The following RBFOX1 variants were observed in gnomAD, a reference collection of about 807,000 sequenced individuals.
RBFOX1 encodes RNA binding protein fox-1 homolog 1.
Under a neutral mutation model 57.7 loss-of-function variants are expected in RBFOX1, and 8 were observed. The ratio of observed to expected loss-of-function variants is 0.14; its 90% CI spans 0.08 to 0.25. The LOEUF is 0.25. RBFOX1 is among the 10% of genes least tolerant of loss of function. The pLI, the probability that RBFOX1 is intolerant of heterozygous loss-of-function variation, is 1.00. For missense variants in RBFOX1, 611 were observed against 548.5 expected (o/e 1.11, Z -1.14); for synonymous variants, 326 against 222.4 (o/e 1.47, Z -4.15).
chr16:6,659,856 C>A (rs1359114162), intron 3 of RBFOX1, among the ~76,000 whole-genome samples: 1 of 152,126 alleles, frequency 6.6e-6, no homozygotes, highest in Non-Finnish European at 1.5e-5. Flanking sequence ...GTGCTGACCT[C>A]AGTTTCCAAA....
At chr16:5,516,768 T>C (rs28527319) in intron 2 of RBFOX1, among the ~76,000 whole-genome samples, 2 of 151,900 alleles carry the variant, frequency 1.3e-5, no homozygotes, top group Non-Finnish European at 2.9e-5. Context: ...ATAAGATCTG[T>C]TGGTTTTATA....
At chr16:6,143,738 A>G (rs942103131) in intron 1 of RBFOX1, among the ~76,000 whole-genome samples, 6 of 152,098 alleles carry the variant, frequency 3.9e-5, no homozygotes, top group African/African-American at 7.2e-5. Flanking sequence ...TTTGCTCCCA[A>G]ACTCTTAAGT....
chr16:6,275,402 A>G (rs1400336534), intron 1 of RBFOX1, among the ~76,000 whole-genome samples: 1 of 152,222 alleles, frequency 6.6e-6, no homozygotes, highest in Admixed American at 6.5e-5. Context: ...AACTGGTGGT[A>G]TTTCTGCAGT....
At chr16:5,806,762 C>G (rs991421586) in intron 3 of RBFOX1, among the ~76,000 whole-genome samples, 2 of 152,206 alleles carry the variant, frequency 1.3e-5, no homozygotes, top group African/African-American at 4.8e-5. Context: ...ATAAGCTTCC[C>G]TAATTAGCAC....
At chr16:7,691,945 G>T (rs1306646496) in intron 14 of RBFOX1, among the ~76,000 whole-genome samples, 1 of 152,112 alleles carries the variant, frequency 6.6e-6, no homozygotes, top group Non-Finnish European at 1.5e-5. Context: ...TGCCTGTTTT[G>T]TGCAGCCCAG....
chr16:7,518,673 C>A (rs945981225), intron 5 of RBFOX1, among the ~76,000 whole-genome samples: 1 of 151,956 alleles, frequency 6.6e-6, no homozygotes, highest in African/African-American at 2.4e-5. Flanking sequence ...AATGTCATCC[C>A]AATGAAATCT....
At chr16:6,859,111 G>GTGTATA (rs1383584385) in intron 3 of RBFOX1, among the ~76,000 whole-genome samples, 5 of 65,120 alleles carry the variant, frequency 7.7e-5, no homozygotes. Context: ...TAAAAAAAGT[G>GTGTATA]TATATATATA....
chr16:7,410,740 C>T (rs191087837), intron 4 of RBFOX1, among the ~76,000 whole-genome samples: 2 of 152,114 alleles, frequency 1.3e-5, no homozygotes. Context: ...CTATCCTCCT[C>T]TCTTGGTTGG....
At chr16:6,713,025 C>A (rs1166388991) in intron 3 of RBFOX1, among the ~76,000 whole-genome samples, 3 of 151,592 alleles carry the variant, frequency 2.0e-5, no homozygotes, top group East Asian at 3.9e-4. Context: ...CTTTGCTCCT[C>A]CTTTGCTTTC....
rs199973667 is a variant in RBFOX1, at chr16:6,118,546, CCTT to C, written c.-127+98555_-127+98557del. 9.5e-4 allele frequency among the ~76,000 whole-genome samples: 144 copies of C among 152,104 alleles called. No homozygotes were observed. In the East Asian group the frequency reaches 0.026, roughly 28 times the overall value. On this transcript the variant is annotated intron_variant, in intron 1 of 15. Transcript: ENST00000550418. ...GCTGCTGCCGCCGCCTCCGCCTCCTCCTTGTTCTCTTCCTTTCTCTTTCTCTTT... is the reference window on the plus strand; with the variant it reads ...GCTGCTGCCGCCGCCTCCGCCTCCTCGTTCTCTTCCTTTCTCTTTCTCTTT...
At chr16:7,533,491 A>G (rs1393902305) in intron 5 of RBFOX1, among the ~76,000 whole-genome samples, 1 of 152,238 alleles carries the variant, frequency 6.6e-6, no homozygotes, top group Non-Finnish European at 1.5e-5. Flanking sequence ...CTATGTCCCA[A>G]TAAATCCATC....
At chr16:5,244,574 C>T (rs1209477258) in intron 1 of RBFOX1, among the ~76,000 whole-genome samples, 1 of 152,244 alleles carries the variant, frequency 6.6e-6, no homozygotes, top group Non-Finnish European at 1.5e-5. Flanking sequence ...GAGGCTGAAG[C>T]TCTCTCTGCT....
Position 6,405,699 on chromosome 16 carries a change from C to G in RBFOX1, c.-64+88642C>G, listed in dbSNP as rs988715063. ...AACACAAGGGTCCAAGAGGTAGACC[C>G]TATACATGACAAACTGTAATTCCAC... On this transcript the variant is annotated intron_variant, in intron 2 of 15. Transcript: ENST00000550418. Among the ~76,000 whole-genome samples, 54 of 152,126 alleles carry G rather than the reference C, an allele frequency of 3.5e-4. 1 individual carries two copies. Among genetic ancestry groups the G allele is most frequent in the African/African-American group, 1.3e-3 (54 of 41,432 alleles).
chr16:5,529,277 G>A (rs1347588779), intron 2 of RBFOX1, among the ~76,000 whole-genome samples: 1 of 151,954 alleles, frequency 6.6e-6, no homozygotes, highest in Non-Finnish European at 1.5e-5. Flanking sequence ...ATTTGTTAAA[G>A]TCTTAAAACA....
chr16:5,919,857 C>T (rs1018756371), intron 4 of RBFOX1, among the ~76,000 whole-genome samples: 1 of 152,172 alleles, frequency 6.6e-6, no homozygotes, highest in Non-Finnish European at 1.5e-5. Context: ...ACATGGAGTC[C>T]TATAGCCTGT....
chr16:6,322,478 A>G (rs1363577649), intron 2 of RBFOX1, among the ~76,000 whole-genome samples: 2 of 146,356 alleles, frequency 1.4e-5, no homozygotes, highest in Non-Finnish European at 3.1e-5. Flanking sequence ...CTACACTTCT[A>G]TGTAGATCTC....
chr16:6,034,110 G>A (rs532243327), intron 1 of RBFOX1, among the ~76,000 whole-genome samples: 23 of 151,898 alleles, frequency 1.5e-4, no homozygotes, highest in South Asian at 4.2e-4. Flanking sequence ...CGAGGTGGGC[G>A]GATCACCTGA....
intron 3 of RBFOX1, among the ~76,000 whole-genome samples, chr16:5,642,668 G>C (rs560831872): frequency 1.3e-5 from 2 of 152,122 alleles, no homozygotes; most frequent in African/African-American, 2.4e-5. Context: ...CTGGCTAGCC[G>C]ATGAATGGGG....
intron 3 of RBFOX1, among the ~76,000 whole-genome samples, chr16:6,998,367 A>C (rs2092449145): frequency 3.3e-5 from 5 of 152,172 alleles, no homozygotes; most frequent in Admixed American, 3.3e-4. Context: ...AAGAAATAAT[A>C]AGATGCTACA....
Sources: allele counts gnomAD v4.1 joint callset (sites outside exome capture counted in the v4.1 genomes callset), GRCh38; gene constraint gnomAD v4.1.1; transcripts MANE v1.5; gene names NCBI Gene and HGNC (gene_info 2026-07-23, HGNC 2026-07-21).